The following ARMC9 variants were observed in gnomAD, a reference collection of about 807,000 sequenced individuals.
ARMC9 encodes lisH domain-containing protein ARMC9.
In ARMC9, 94 loss-of-function variants were observed where a neutral mutation model predicts 107.0. That is an observed-to-expected ratio of 0.88 (90% confidence interval 0.74 to 1.04). The LOEUF is 1.04. Among genes scored for constraint, ARMC9 ranks in the 50% least tolerant of loss-of-function variants. The pLI, the probability that ARMC9 is intolerant of heterozygous loss-of-function variation, is 0.00. For synonymous variants in ARMC9, 380 were observed against 396.9 expected (o/e 0.96, Z 0.51); for missense variants, 942 against 1,030.1 (o/e 0.91, Z 1.17).
At chr2:231,244,995 G>A (rs982611109) in intron 9 of ARMC9, among the ~76,000 whole-genome samples, 1 of 152,338 alleles carries the variant, frequency 6.6e-6, no homozygotes, top group Middle Eastern at 3.4e-3. Context: ...AAGAAGTGAG[G>A]TTCTGCCCTC....
chr2:231,267,475 C>A (rs1045304615), intron 12 of ARMC9, among the ~76,000 whole-genome samples: 1 of 152,194 alleles, frequency 6.6e-6, no homozygotes, highest in African/African-American at 2.4e-5. Flanking sequence ...AGGTAATCCG[C>A]CTGCCTCAGC....
chr2:231,276,856 A>G (rs2039807313), intron 15 of ARMC9, 81 bp downstream of exon 15: 1 of 1,552,296 alleles, frequency 6.4e-7, no homozygotes, highest in South Asian at 1.2e-5. Flanking sequence ...TGAGCCTGAT[A>G]TGGTTTGCTT....
At chr2:231,273,648 C>G (rs2039519286) in intron 14 of ARMC9, among the ~76,000 whole-genome samples, 1 of 152,152 alleles carries the variant, frequency 6.6e-6, no homozygotes, top group Non-Finnish European at 1.5e-5. Context: ...CTCCTGACCT[C>G]AGGTGATCCG....
intron 19 of ARMC9, among the ~76,000 whole-genome samples, chr2:231,308,186 C>T (rs920639543): frequency 6.6e-6 from 1 of 152,250 alleles, no homozygotes; most frequent in African/African-American, 2.4e-5. Context: ...AGTGCGGCAA[C>T]ACAGCCAGTA....
intron 19 of ARMC9, among the ~76,000 whole-genome samples, chr2:231,321,094 T>C (rs2042972801): frequency 6.6e-6 from 1 of 152,328 alleles, no homozygotes. Flanking sequence ...AAAGCGAGAA[T>C]ATTAATACCC....
intron 7 of ARMC9, among the ~76,000 whole-genome samples, chr2:231,230,727 A>G (rs1017456934): frequency 4.6e-5 from 7 of 152,242 alleles, no homozygotes; most frequent in African/African-American, 1.7e-4. Flanking sequence ...TCCCATATAC[A>G]TTAAGTCATC....
chr2:231,236,415 C>T (rs2035719314), intron 8 of ARMC9, among the ~76,000 whole-genome samples: 1 of 152,144 alleles, frequency 6.6e-6, no homozygotes, highest in Non-Finnish European at 1.5e-5. Context: ...TATCTCATTC[C>T]TGACTCTATA....
At chr2:231,337,988 C>T (rs995131735) in intron 20 of ARMC9, among the ~76,000 whole-genome samples, 2 of 152,120 alleles carry the variant, frequency 1.3e-5, no homozygotes, top group Non-Finnish European at 2.9e-5. Context: ...AGCAGAGAGT[C>T]CTACCTTATC....
At chr2:231,283,682 A>G (rs538599979) in intron 17 of ARMC9, among the ~76,000 whole-genome samples, 2 of 152,228 alleles carry the variant, frequency 1.3e-5, no homozygotes, top group South Asian at 4.1e-4. Context: ...CACCTGCCTC[A>G]GCCTCCCAAA....
intron 7 of ARMC9, among the ~76,000 whole-genome samples, chr2:231,234,382 A>C (rs1200230057): frequency 2.0e-5 from 3 of 152,098 alleles, no homozygotes; most frequent in African/African-American, 7.2e-5. Flanking sequence ...GCCTGGTGGG[A>C]GTGGTTTTAT....
chr2:231,306,183 C>CAAA (rs2042026040), intron 19 of ARMC9, among the ~76,000 whole-genome samples: 1 of 152,178 alleles, frequency 6.6e-6, no homozygotes, highest in South Asian at 2.1e-4. Context: ...GAGAACTTTC[C>CAAA]CTCCCTTATT....
At chr2:231,357,784 TGG>T (rs2045403960) in intron 22 of ARMC9, among the ~76,000 whole-genome samples, 1 of 152,146 alleles carries the variant, frequency 6.6e-6, no homozygotes, top group African/African-American at 2.4e-5. Flanking sequence ...TTGCCTAGGC[TGG>T]TCTTGAACTC....
At chr2:231,314,174 G>T (rs1026414434) in intron 19 of ARMC9, among the ~76,000 whole-genome samples, 10 of 151,582 alleles carry the variant, frequency 6.6e-5, no homozygotes, top group African/African-American at 2.2e-4. Flanking sequence ...CCGCCTCACA[G>T]GTTCAAGTGA....
intron 13 of ARMC9, among the ~76,000 whole-genome samples, chr2:231,272,427 TCAAA>T (rs1349662688): frequency 3.3e-5 from 5 of 152,178 alleles, no homozygotes; most frequent in South Asian, 2.1e-4. Flanking sequence ...ACGCCTCGGC[TCAAA>T]CAGTCTACCT....
At chr2:231,367,935 G>A (rs914036788) in intron 23 of ARMC9, among the ~76,000 whole-genome samples, 3 of 148,990 alleles carry the variant, frequency 2.0e-5, no homozygotes, top group African/African-American at 5.0e-5. Context: ...AGCCGAGATC[G>A]CACCATTGCA....
chr2:231,256,676 G>C, intron 10 of ARMC9, 56 bp downstream of exon 10: 5 of 1,570,364 alleles, frequency 3.2e-6, no homozygotes, highest in Non-Finnish European at 4.4e-6. Context: ...TGTAAAACGG[G>C]AATTCAAAGT....
chr2:231,357,777 C>A (rs1232980236), intron 22 of ARMC9, among the ~76,000 whole-genome samples: 1 of 152,150 alleles, frequency 6.6e-6, no homozygotes, highest in Non-Finnish European at 1.5e-5. Context: ...TTTGCTGTTG[C>A]CTAGGCTGGT....
At chr2:231,291,865 T>C (rs537685737) in intron 18 of ARMC9, among the ~76,000 whole-genome samples, 22 of 147,686 alleles carry the variant, frequency 1.5e-4, no homozygotes, top group African/African-American at 4.0e-4. Flanking sequence ...AGTGAACCCA[T>C]AGACAAAAGT....
chr2:231,317,227 A>G (rs150352285), intron 19 of ARMC9, among the ~76,000 whole-genome samples: 107 of 150,094 alleles, frequency 7.1e-4, no homozygotes, highest in African/African-American at 1.6e-3. Context: ...CTGGAGCTCA[A>G]TGGCGCAATC....
Sources: gnomAD v4.1 joint callset for allele counts (sites outside exome capture counted in the v4.1 genomes callset) on GRCh38, gnomAD v4.1.1 for gene constraint, MANE v1.5 for transcripts, NCBI Gene and HGNC (gene_info 2026-07-23, HGNC 2026-07-21) for gene names.